Variants in GGA3 observed in about 807,000 individuals in gnomAD.
GGA3 encodes the protein ADP-ribosylation factor-binding protein GGA3.
In GGA3, 57 loss-of-function variants were observed where a neutral mutation model predicts 77.5. The ratio of observed to expected loss-of-function variants is 0.74; its 90% CI spans 0.59 to 0.92. The LOEUF (loss-of-function observed/expected upper bound fraction) is 0.92, where lower values mean the gene tolerates loss of function less well. GGA3 is among the 40% of genes least tolerant of loss of function. The pLI, the probability that GGA3 is intolerant of heterozygous loss-of-function variation, is 0.00. For missense variants in GGA3, 970 were observed against 914.9 expected, an observed-to-expected ratio of 1.06 and a Z score of -0.78; for synonymous variants, 416 against 383.7, an observed-to-expected ratio of 1.08 and a Z score of -0.98.
Position 75,239,987 on chromosome 17 carries a change from G to T in GGA3, c.1385C>A (p.Pro462Gln). ...GACCACAGGAGCTGGGAAGGGAGGCGGCAGTGGAGCTTGGGAGCTGCTTGA... is the reference window on the plus strand; with the variant it reads ...GACCACAGGAGCTGGGAAGGGAGGCTGCAGTGGAGCTTGGGAGCTGCTTGA... The part of the protein sequence containing the change: ...PSSSSSQAPL[P>Q]PPFPAPVVPA... The change falls in exon 13 of 17, where the codon CCG (proline) becomes CAG (glutamine). Residue 462 changes from proline (P) to glutamine (Q), a missense_variant. By Grantham distance (76) the Pro-to-Gln change is moderately conservative. Coordinates refer to ENST00000537686, the MANE Select transcript of GGA3 (RefSeq NM_138619.4). The T allele has an allele frequency of 6.4e-7, 1 of 1,557,356 alleles. No individual in the cohort carries two copies. The highest frequency in any genetic ancestry group is 8.7e-7 in the Non-Finnish European group (1 of 1,151,230).
intron 3 of GGA3, 45 bp from the exon 4 acceptor site, chr17:75,244,762 G>T: frequency 1.5e-6 from 2 of 1,296,716 alleles, no homozygotes; most frequent in African/African-American, 1.5e-5. Flanking sequence ...GCGTGCTCGG[G>T]GCTGGAACCT....
In GGA3 at chr17:75,261,532, G is replaced by A. The variant is rs776411137; in HGVS notation, c.40+16C>T. On this transcript the variant is annotated intron_variant, in intron 1 of 16. Coordinates refer to ENST00000537686, the MANE Select transcript of GGA3 (RefSeq NM_138619.4). ...CAGCGGCTCGAGGGCAGGCAGAAACGGCCGCGGCTACTCACTGAGCCAGGA... is the reference window on the plus strand; with the variant it reads ...CAGCGGCTCGAGGGCAGGCAGAAACAGCCGCGGCTACTCACTGAGCCAGGA... 5.5e-5 allele frequency: 84 copies of A among 1,514,512 alleles called. No individual in the cohort carries two copies. The highest frequency in any genetic ancestry group is 7.2e-5 in the Non-Finnish European group (81 of 1,131,470). 93.8% of individuals were successfully genotyped at this position (1,514,512 alleles called of 1,614,324 possible). A position where few individuals can be genotyped will look rare whatever the true frequency, so the allele number is the denominator to read the frequency against.
rs562517666 is a variant in GGA3, at chr17:75,258,969, T to C, written c.40+2579A>G. On this transcript the variant is annotated intron_variant, in intron 1 of 16. Transcript: ENST00000537686. ...CCTTGTATCTTTTTTTTTTTTTTTT[T>C]TGGAGACGGAGTCTCGCTCTGTCAC... Among the ~76,000 whole-genome samples, 7 of 141,882 alleles carry C rather than the reference T, an allele frequency of 4.9e-5. No individual in the cohort carries two copies. The East Asian group carries it at 1.0e-3, about 20-fold the overall frequency. The allele number at this position is 141,882 out of a possible 152,430, so 93.1% of individuals were successfully genotyped here. A position where few individuals can be genotyped will look rare whatever the true frequency, so the allele number is the denominator to read the frequency against.
At chr17:75,239,712 C>T (rs1288797281) in intron 13 of GGA3, 77 bp downstream of exon 13, 1 of 1,545,170 alleles carries the variant, frequency 6.5e-7, no homozygotes, top group Non-Finnish European at 8.9e-7. Flanking sequence ...GGCACCCCCA[C>T]CCCTTCAAAG....
chr17:75,238,389 C>T lies in GGA3; in HGVS notation c.2062G>A (p.Glu688Lys), dbSNP rs2076395040. ...AGCTTATACCGAAGCCGCACCTTCT[C>T]CTGTGACAGAGGGCAGCAAGTGAGA... ...QVMLLANPLK[E>K]KVRLRYKLTF... The change falls in exon 17 of 17, where the codon GAG (glutamate) becomes AAG (lysine). Residue 688 changes from glutamate (E) to lysine (K), a missense_variant and splice_region_variant. Transcript: ENST00000537686. 1.9e-6 allele frequency: 3 copies of T among 1,613,074 alleles called. No homozygotes were observed. Among genetic ancestry groups the T allele is most frequent in the Middle Eastern group, 1.6e-4 (1 of 6,068 alleles).
chr17:75,258,570 T>C (rs1484488502), intron 1 of GGA3, among the ~76,000 whole-genome samples: 1 of 152,180 alleles, frequency 6.6e-6, no homozygotes, highest in Admixed American at 6.5e-5. Context: ...CTTGGGAGGC[T>C]GAGGATGGAG....
At chr17:75,240,265 C>T in intron 12 of GGA3, 77 bp downstream of exon 12, 1 of 1,193,558 alleles carries the variant, frequency 8.4e-7, no homozygotes, top group Non-Finnish European at 1.2e-6. Flanking sequence ...GGACAGCTAA[C>T]TGCAGCCCAG....
chr17:75,253,394 T>C (rs982633967), intron 1 of GGA3, among the ~76,000 whole-genome samples: 1 of 152,236 alleles, frequency 6.6e-6, no homozygotes, highest in Non-Finnish European at 1.5e-5. Context: ...AGCCTTTCCT[T>C]GGTGTTTAAT....
intron 4 of GGA3, 22 bp from the exon 5 acceptor site, chr17:75,243,592 G>A (rs2076652055): frequency 1.2e-6 from 2 of 1,612,676 alleles, no homozygotes; most frequent in African/African-American, 1.3e-5. Flanking sequence ...AAGAAAATGA[G>A]GACCTAGTAA....
At position 75,240,017 on chromosome 17, in the gene GGA3, G is replaced by A. The variant is rs766079693; in HGVS notation, c.1355C>T (p.Pro452Leu). 2 of 1,552,452 alleles carry A rather than the reference G, an allele frequency of 1.3e-6. No homozygotes were observed. The highest frequency in any genetic ancestry group is 2.0e-5 in the Admixed American group (1 of 51,166). Residue 452 changes from proline (P) to leucine (L), a missense_variant, in exon 13 of 17, where the codon CCC (proline) becomes CTC (leucine). Coordinates refer to ENST00000537686, the MANE Select transcript of GGA3 (RefSeq NM_138619.4). ...SDAPLLQPSAPSSSSSQAPLP... is the reference protein window; with the variant it reads ...SDAPLLQPSALSSSSSQAPLP... ...TGGAGCTTGGGAGCTGCTTGAGGAGGGGGCTGAGGGCTGGAGCAGAGGAGC... is the reference window on the plus strand; with the variant it reads ...TGGAGCTTGGGAGCTGCTTGAGGAGAGGGCTGAGGGCTGGAGCAGAGGAGC...
At chr17:75,255,151 G>A (rs376978721) in intron 1 of GGA3, among the ~76,000 whole-genome samples, 2 of 152,016 alleles carry the variant, frequency 1.3e-5, no homozygotes, top group Non-Finnish European at 2.9e-5. Context: ...AATCAATACG[G>A]AGGCTACCCA....
chr17:75,238,173 G>A lies in GGA3; in HGVS notation c.*106C>T. 2 of 1,508,926 alleles carry A rather than the reference G, an allele frequency of 1.3e-6. No homozygotes were observed. The highest frequency in any genetic ancestry group is 1.8e-6 in the Non-Finnish European group (2 of 1,129,914). 93.5% of individuals were successfully genotyped at this position (1,508,926 alleles called of 1,614,324 possible). Reference sequence around the variant, plus strand: ...CCCAGGGCCCCTGTTCCACATCAAAGCTACAAGCACTGTTGTCAGGGCATG... The same window carrying A: ...CCCAGGGCCCCTGTTCCACATCAAAACTACAAGCACTGTTGTCAGGGCATG... On this transcript the variant is annotated 3_prime_UTR_variant, in exon 17 of 17. Transcript: ENST00000537686.
chr17:75,249,397 T>C (rs1428322972), intron 1 of GGA3, among the ~76,000 whole-genome samples: 1 of 152,200 alleles, frequency 6.6e-6, no homozygotes, highest in Non-Finnish European at 1.5e-5. Context: ...TGAAAGAGAA[T>C]TAACAGGTCC....
Position 75,237,738 on chromosome 17 carries a change from G to C in GGA3, c.*541C>G. The C allele has an allele frequency of 7.0e-7, 1 of 1,433,810 alleles. No individual in the cohort carries two copies. The allele number at this position is 1,433,810 out of a possible 1,614,324, so 88.8% of individuals were successfully genotyped here. A position where few individuals can be genotyped will look rare whatever the true frequency, so the allele number is the denominator to read the frequency against. ...GGGCTGGGGACTTTGCAGTATGCCA[G>C]TTCCTTATTCTGGGCCAGGCACCTT... is the stretch of plus-strand genomic sequence containing the variant. On this transcript the variant is annotated 3_prime_UTR_variant, in exon 17 of 17. Coordinates refer to ENST00000537686, the MANE Select transcript of GGA3 (RefSeq NM_138619.4).
rs755781368 is a variant in GGA3, at chr17:75,241,023, G to A, written c.981C>T (p.Ile327=). Residue 327 remains isoleucine, a synonymous_variant, in exon 11 of 17, where the codon ATC becomes ATT. Coordinates refer to ENST00000537686, the MANE Select transcript of GGA3 (RefSeq NM_138619.4). ...TGGTCGTGTCCAGCTCCGCAAGGTC[G>A]ATGAGCGTGCCTTGGTTACTGCACT... ...NSQCSNQGTL[I]DLAELDTTNS... 3.7e-6 allele frequency: 6 copies of A among 1,614,048 alleles called. No individual in the cohort carries two copies. Among genetic ancestry groups the A allele is most frequent in the South Asian group, 1.1e-5 (1 of 91,082 alleles).
rs1251241976 is a variant in GGA3, at chr17:75,258,872, G to A, written c.40+2676C>T. 2.0e-5 allele frequency among the ~76,000 whole-genome samples: 3 copies of A among 149,320 alleles called. No individual in the cohort carries two copies. The East Asian group carries it at 5.9e-4, about 29-fold the overall frequency. On this transcript the variant is annotated intron_variant, in intron 1 of 16. Transcript: ENST00000537686. ...CCATTATTTAATGGCTAGCTCAAAT[G>A]GAGTATCCTCAATGAATCATCTCTT...
At chr17:75,243,643 A>C in intron 4 of GGA3, 73 bp from the exon 5 acceptor site, 2 of 1,454,632 alleles carry the variant, frequency 1.4e-6, no homozygotes, top group South Asian at 2.4e-5. Context: ...CTCCCTCCAC[A>C]GCAATGGCGT....
chr17:75,246,564 A>C lies in GGA3; in HGVS notation c.146T>G (p.Leu49Arg). 6.2e-7 allele frequency: 1 copy of C among 1,613,914 alleles called. No individual in the cohort carries two copies. ...TGGGGACTGGATCTTGTGGGCCAGC[A>C]GTCGGACGGCGATCTGTGGCCTGGG... ...ELEGPQIAVR[L>R]LAHKIQSPQE... Residue 49 changes from leucine (L) to arginine (R), a missense_variant, in exon 3 of 17, where the codon CTG (leucine) becomes CGG (arginine). Physicochemically the swap from Leu to Arg is moderately radical, Grantham distance 102. Coordinates refer to ENST00000537686, the MANE Select transcript of GGA3 (RefSeq NM_138619.4).
chr17:75,241,048 T>C lies in GGA3; in HGVS notation c.956A>G (p.Gln319Arg). ...LTLPDSEGNS[Q>R]CSNQGTLIDL... Reference sequence around the variant, plus strand: ...GATGAGCGTGCCTTGGTTACTGCACTGACTGTTTCCTGGATGGGTCAACAG... The same window carrying C: ...GATGAGCGTGCCTTGGTTACTGCACCGACTGTTTCCTGGATGGGTCAACAG... The change falls in exon 11 of 17, where the codon CAG becomes CGG. Residue 319 changes from glutamine (Q) to arginine (R), a missense_variant. By Grantham distance (43) the Gln-to-Arg change is conservative (BLOSUM62 1). Transcript: ENST00000537686. 4 of 1,614,116 alleles carry C rather than the reference T, an allele frequency of 2.5e-6. No individual in the cohort carries two copies. The highest frequency in any genetic ancestry group is 3.4e-6 in the Non-Finnish European group (4 of 1,179,998).
Sources: allele counts gnomAD v4.1 joint callset (sites outside exome capture counted in the v4.1 genomes callset), GRCh38; gene constraint gnomAD v4.1.1; transcripts MANE v1.5; gene names NCBI Gene and HGNC (gene_info 2026-07-23, HGNC 2026-07-21).